Variants in SAXO1 observed in about 807,000 individuals in gnomAD.
SAXO1 encodes the protein stabilizer of axonemal microtubules 1.
Under a neutral mutation model 17.5 loss-of-function variants are expected in SAXO1, and 21 were observed. The observed-to-expected ratio is 1.20, with a 90% confidence interval of 0.85 to 1.72. The LOEUF (loss-of-function observed/expected upper bound fraction) is 1.72, where lower values mean the gene tolerates loss of function less well. SAXO1 is among the 40% of genes most tolerant of loss of function. The pLI, the probability that SAXO1 is intolerant of heterozygous loss-of-function variation, is 0.00. For missense variants in SAXO1, 843 were observed against 596.0 expected (o/e 1.41, Z -4.32); for synonymous variants, 274 against 216.5 (o/e 1.27, Z -2.33).
At chr9:19,000,188 T>C (rs1218283717) in intron 1 of SAXO1, among the ~76,000 whole-genome samples, 1 of 150,814 alleles carries the variant, frequency 6.6e-6, no homozygotes, top group Non-Finnish European at 1.5e-5. Flanking sequence ...GTCTGGGAAG[T>C]GAGGAGCGCC....
chr9:18,960,358 C>G (rs1282465546), intron 1 of SAXO1, among the ~76,000 whole-genome samples: 1 of 152,146 alleles, frequency 6.6e-6, no homozygotes, highest in East Asian at 1.9e-4. Flanking sequence ...AATGTTCTAT[C>G]TCTTCACTAC....
chr9:19,027,351 G>A (rs372548543), intron 1 of SAXO1: 15 of 780,066 alleles, frequency 1.9e-5, no homozygotes, highest in South Asian at 4.1e-5. Context: ...AGTACGACTC[G>A]CGGGTGAAGG....
At chr9:18,943,037 G>T (rs1013917767) in intron 2 of SAXO1, among the ~76,000 whole-genome samples, 13 of 152,228 alleles carry the variant, frequency 8.5e-5, no homozygotes, top group Admixed American at 7.2e-4. Context: ...ATCTGGAGCA[G>T]CATTACTCAG....
At chr9:19,017,660 CA>C (rs1835041504) in intron 1 of SAXO1, among the ~76,000 whole-genome samples, 1 of 152,228 alleles carries the variant, frequency 6.6e-6, no homozygotes, top group South Asian at 2.1e-4. Context: ...TTAAACAAAC[CA>C]GTGTCCATTT....
upstream of SAXO1, among the ~76,000 whole-genome samples, chr9:19,035,395 C>T (rs1385765106): frequency 1.3e-5 from 2 of 152,190 alleles, no homozygotes; most frequent in Non-Finnish European, 2.9e-5. Context: ...CTGAGACCTC[C>T]CCAGCCATGT....
chr9:19,023,059 A>G (rs1012418481), intron 1 of SAXO1, among the ~76,000 whole-genome samples: 1 of 152,130 alleles, frequency 6.6e-6, no homozygotes, highest in African/African-American at 2.4e-5. Context: ...AGAGCCTCCC[A>G]GAGTATAAGG....
intron 1 of SAXO1, among the ~76,000 whole-genome samples, chr9:18,960,470 T>A (rs1235192518): frequency 6.6e-6 from 1 of 152,176 alleles, no homozygotes; most frequent in Non-Finnish European, 1.5e-5. Flanking sequence ...CAGGTCTTCC[T>A]GGACCCCCTG....
chr9:19,043,663 G>A (rs1415673652), intron 1 of SAXO1, among the ~76,000 whole-genome samples: 1 of 152,012 alleles, frequency 6.6e-6, no homozygotes, highest in Non-Finnish European at 1.5e-5. Context: ...GCTACTCGGG[G>A]GCACTGATGT....
At chr9:18,981,183 G>C (rs541569307) in intron 1 of SAXO1, among the ~76,000 whole-genome samples, 15 of 152,302 alleles carry the variant, frequency 9.8e-5, no homozygotes, top group African/African-American at 3.1e-4. Flanking sequence ...TTATTTCTTT[G>C]TGATTGCGAT....
intron 1 of SAXO1, among the ~76,000 whole-genome samples, chr9:18,973,862 C>G (rs1238499195): frequency 6.6e-6 from 1 of 152,184 alleles, no homozygotes. Context: ...TCATTTATTG[C>G]CCACTTATTC....
At chr9:18,974,054 T>C (rs921258135) in intron 1 of SAXO1, among the ~76,000 whole-genome samples, 1 of 152,200 alleles carries the variant, frequency 6.6e-6, no homozygotes, top group Non-Finnish European at 1.5e-5. Flanking sequence ...ATGTCTTATG[T>C]TGGTGGCAGT....
chr9:18,981,457 G>T (rs1357188478), intron 1 of SAXO1, among the ~76,000 whole-genome samples: 3 of 152,110 alleles, frequency 2.0e-5, no homozygotes, highest in African/African-American at 4.8e-5. Flanking sequence ...TTTCCAGAGG[G>T]GCTCCCTGAG....
chr9:19,027,453 G>A, intron 1 of SAXO1: 3 of 770,544 alleles, frequency 3.9e-6, no homozygotes, highest in Non-Finnish European at 7.1e-6. Context: ...CCACTGTCTT[G>A]TCAATGAACC....
At chr9:18,933,536 T>A (rs1831146056) in intron 3 of SAXO1, among the ~76,000 whole-genome samples, 1 of 152,162 alleles carries the variant, frequency 6.6e-6, no homozygotes, top group Non-Finnish European at 1.5e-5. Flanking sequence ...ATCATTCCCT[T>A]TTAGCCTGAA....
chr9:18,966,221 G>A (rs7020503), intron 1 of SAXO1, among the ~76,000 whole-genome samples: 24,008 of 151,968 alleles, frequency 0.16, 3,863 homozygotes, highest in African/African-American at 0.41. Flanking sequence ...TGTGTCTTGG[G>A]GTTGCTCTTC....
At chr9:18,975,278 C>T (rs555343924) in intron 1 of SAXO1, among the ~76,000 whole-genome samples, 42 of 151,786 alleles carry the variant, frequency 2.8e-4, no homozygotes, top group African/African-American at 9.7e-4. Flanking sequence ...ATAAATGGTT[C>T]TGGACAGGCA....
intron 1 of SAXO1, among the ~76,000 whole-genome samples, chr9:19,046,353 A>G (rs1836215306): frequency 6.6e-6 from 1 of 152,170 alleles, no homozygotes; most frequent in Admixed American, 6.5e-5. Flanking sequence ...GGAAAGTAGA[A>G]CAAAAAGACA....
intron 1 of SAXO1, among the ~76,000 whole-genome samples, chr9:18,973,658 C>T (rs1244549360): frequency 1.3e-5 from 2 of 152,162 alleles, no homozygotes; most frequent in Non-Finnish European, 2.9e-5. Flanking sequence ...TCTTTTGGCT[C>T]ACCTGGCTAC....
rs376924525 is a variant in SAXO1, at chr9:18,937,318, A to G, written c.421+4319T>C. Among the ~76,000 whole-genome samples the G allele has an allele frequency of 9.2e-5, 14 of 151,988 alleles. No homozygotes were observed. In the South Asian group the frequency reaches 2.9e-3, roughly 32 times the overall value. ...GGTGGGGATTTGTGTAGATATGCCA[A>G]ACTCTGTCACCTGGAGCCCTTGTAA... On this transcript the variant is annotated intron_variant, in intron 3 of 3. Coordinates refer to ENST00000380534, the MANE Select transcript of SAXO1 (RefSeq NM_153707.4).
Sources: allele counts gnomAD v4.1 joint callset (sites outside exome capture counted in the v4.1 genomes callset), GRCh38; gene constraint gnomAD v4.1.1; transcripts MANE v1.5; gene names NCBI Gene and HGNC (gene_info 2026-07-23, HGNC 2026-07-21).